The following HECTD4 variants were observed in gnomAD, a reference collection of about 807,000 sequenced individuals.
HECTD4 encodes the protein HECT domain E3 ubiquitin protein ligase 4, also known as probable E3 ubiquitin-protein ligase HECTD4.
In HECTD4, 114 loss-of-function variants were observed where a neutral mutation model predicts 471.5. The ratio of observed to expected loss-of-function variants is 0.24; its 90% CI spans 0.21 to 0.28. HECTD4 has a LOEUF of 0.28. Ranked by LOEUF, HECTD4 falls within the 10% of genes least tolerant of loss-of-function variation. HECTD4 has a pLI of 1.00. For synonymous variants in HECTD4, 2,012 were observed against 2,256.0 expected (o/e 0.89, Z 3.07); for missense variants, 3,866 against 5,651.5 (o/e 0.68, Z 10.13).
At chr12:112,275,217 G>A (rs989273421) in intron 9 of HECTD4, among the ~76,000 whole-genome samples, 1 of 152,128 alleles carries the variant, frequency 6.6e-6, no homozygotes, top group African/African-American at 2.4e-5. Context: ...TTTGCATGAC[G>A]GTTCTTTCCG....
At chr12:112,283,955 C>CT (rs746498265) in intron 7 of HECTD4, among the ~76,000 whole-genome samples, 2,257 of 135,484 alleles carry the variant, frequency 0.017, 45 homozygotes, top group African/African-American at 0.047. Context: ...CTTCTTTCTT[C>CT]TTTTTTTTTT....
At position 112,188,516 on chromosome 12, in the gene HECTD4, G is replaced by A. The variant is rs926813622; in HGVS notation, c.9472+2270C>T. Among the ~76,000 whole-genome samples, 2 of 152,196 alleles carry A rather than the reference G, an allele frequency of 1.3e-5. No individual in the cohort carries two copies. Among genetic ancestry groups the A allele is most frequent in the South Asian group, 2.1e-4 (1 of 4,832 alleles). ...GTGGAAAGAGAGAAAGCTCATGTAC[G>A]TGAGACACGATTAGGGATCATGAAC... On this transcript the variant is annotated intron_variant, in intron 60 of 75. Coordinates refer to ENST00000682272, the MANE Select transcript of HECTD4 (RefSeq NM_001388303.1). This position sits in a 1 kb window ranked among gnomAD's most constrained non-coding sequence, Gnocchi z 4.2.
chr12:112,259,000 T>C, intron 19 of HECTD4, 112 bp downstream of exon 19: 1 of 902,564 alleles, frequency 1.1e-6, no homozygotes, highest in East Asian at 2.7e-5. Flanking sequence ...TTATTTCCCT[T>C]GGTTTCTGAA....
chr12:112,374,317 C>A (rs986365843), intron 1 of HECTD4, among the ~76,000 whole-genome samples: 5 of 152,250 alleles, frequency 3.3e-5, no homozygotes, highest in South Asian at 2.1e-4. Context: ...GAGTGAGAAC[C>A]TGTCTCTAGA....
chr12:112,292,619 G>A (rs1412195677), intron 7 of HECTD4, among the ~76,000 whole-genome samples: 1 of 152,144 alleles, frequency 6.6e-6, no homozygotes, highest in Non-Finnish European at 1.5e-5. Flanking sequence ...TAAACTTGAG[G>A]CTACTGCATG....
chr12:112,243,610 T>C lies in HECTD4; in HGVS notation c.4791+10A>G, dbSNP rs749387917. ...TGCTATTCATCTGGAGCCCGCAAAA[T>C]GTGACGTACAGCTTGGTCAGGGTTG... On this transcript the variant is annotated intron_variant, in intron 31 of 75. Coordinates refer to ENST00000682272, the MANE Select transcript of HECTD4 (RefSeq NM_001388303.1). The surrounding 1 kb of genome is among the most constrained non-coding windows in gnomAD (Gnocchi z 6.6). 1.9e-6 allele frequency: 3 copies of C among 1,608,134 alleles called. No individual in the cohort carries two copies. Among genetic ancestry groups the C allele is most frequent in the East Asian group, 4.5e-5 (2 of 44,714 alleles).
chr12:112,164,348 G>T, intron 72 of HECTD4, 73 bp from the exon 73 acceptor site: 1 of 1,512,606 alleles, frequency 6.6e-7, no homozygotes. Flanking sequence ...AGGTGGCTGG[G>T]TAAACCCCAA....
At chr12:112,267,271 C>CTCTCGGAGGACCGA (rs2034301193) in intron 13 of HECTD4, 1 of 342,166 alleles carries the variant, frequency 2.9e-6, no homozygotes, top group South Asian at 4.5e-5. Context: ...CAAGGGTATA[C>CTCTCGGAGGACCGA]GAGTAGCTGC....
At chr12:112,219,663 G>A (rs1054849901) in intron 44 of HECTD4, 174 bp from the exon 45 acceptor site, 13 of 450,724 alleles carry the variant, frequency 2.9e-5, no homozygotes, top group Admixed American at 8.0e-5. Flanking sequence ...GCAGTGGCGC[G>A]GTCCTGGCTT....
intron 1 of HECTD4, among the ~76,000 whole-genome samples, chr12:112,345,008 C>A (rs759198096): frequency 6.6e-6 from 1 of 152,026 alleles, no homozygotes; most frequent in African/African-American, 2.4e-5. Flanking sequence ...TGTCCCAGCA[C>A]TTTGGGAGGC....
intron 1 of HECTD4, among the ~76,000 whole-genome samples, chr12:112,364,574 C>T (rs759011744): frequency 1.3e-5 from 2 of 151,904 alleles, no homozygotes; most frequent in Non-Finnish European, 2.9e-5. Context: ...TACAAAAACA[C>T]AAAAATTAGC....
chr12:112,258,393 A>G (rs2034071675), intron 20 of HECTD4, 103 bp downstream of exon 20: 4 of 776,062 alleles, frequency 5.2e-6, no homozygotes, highest in Non-Finnish European at 7.9e-6. Flanking sequence ...TTCTTTTCAC[A>G]GCTAGATAAT....
Position 112,229,827 on chromosome 12 carries a change from G to A in HECTD4, c.6390C>T (p.Ser2130=), listed in dbSNP as rs1171263958. The A allele has an allele frequency of 1.2e-6, 2 of 1,614,016 alleles. No individual in the cohort carries two copies. The highest frequency in any genetic ancestry group is 1.6e-4 in the Middle Eastern group (1 of 6,062). Residue 2130 remains serine, a synonymous_variant, in exon 41 of 76, where the codon AGC becomes AGT. Transcript: ENST00000682272. ...CACTGCTGCTGCCATTTTCCAGAAT[G>A]CTTTCTGCGTATTTCCCCAATTGTG... ...YIPQLGKYAE[S]ILENGSSSGR... is the part of the protein sequence containing the mutation.
Position 112,185,373 on chromosome 12 carries a change from G to C in HECTD4, c.9593C>G (p.Ser3198Cys). 1 of 1,610,504 alleles carries C rather than the reference G, an allele frequency of 6.2e-7. No homozygotes were observed. Among genetic ancestry groups the C allele is most frequent in the Non-Finnish European group, 8.5e-7 (1 of 1,178,656 alleles). ...LEQRRHPAGLSSSIALQLNPC... is the reference protein window; with the variant it reads ...LEQRRHPAGLCSSIALQLNPC... The stretch of plus-strand genomic sequence containing the variant: ...GTTCAGCTGGAGGGCGATTGAGGAG[G>C]ACAGGCCAGCGGGGTGCCGCCTCTG... The change falls in exon 61 of 76, where the codon TCC becomes TGC. Residue 3198 changes from serine (S) to cysteine (C), a missense_variant. Around this residue, in one of 16 missense-constraint regions of HECTD4, gnomAD observed 364 missense variants for 413.2 expected, o/e 0.88. Coordinates refer to ENST00000682272, the MANE Select transcript of HECTD4 (RefSeq NM_001388303.1).
Position 112,235,331 on chromosome 12 carries a change from T to C in HECTD4, c.5726-65A>G. The C allele has an allele frequency of 1.3e-6, 2 of 1,536,558 alleles. No homozygotes were observed. The highest frequency in any genetic ancestry group is 1.7e-4 in the Middle Eastern group (1 of 5,734). On this transcript the variant is annotated intron_variant, in intron 36 of 75. Transcript: ENST00000682272. The surrounding 1 kb of genome is among the most constrained non-coding windows in gnomAD (Gnocchi z 5.0). ...TGTTGTTTTGGCGGCTCTGCTAAAA[T>C]GAAAAATAATGGTTTGGGATTTGGA...
chr12:112,335,889 T>C (rs997197665), intron 1 of HECTD4, among the ~76,000 whole-genome samples: 2 of 152,108 alleles, frequency 1.3e-5, no homozygotes, highest in Non-Finnish European at 2.9e-5. Context: ...TGTTTTGCAA[T>C]CTCTACCGAT....
chr12:112,262,935 A>AT (rs1047377180), intron 17 of HECTD4, among the ~76,000 whole-genome samples: 6 of 152,030 alleles, frequency 3.9e-5, no homozygotes, highest in African/African-American at 9.6e-5. Flanking sequence ...TATTATTGAG[A>AT]TTTTTTTTAA....
intron 1 of HECTD4, among the ~76,000 whole-genome samples, chr12:112,367,099 C>T (rs544615931): frequency 4.0e-5 from 6 of 148,742 alleles, no homozygotes; most frequent in African/African-American, 1.5e-4. Flanking sequence ...GTCAGGAGTA[C>T]GAGACCCGTC....
intron 7 of HECTD4, among the ~76,000 whole-genome samples, chr12:112,284,536 C>A (rs1002793717): frequency 1.3e-5 from 2 of 152,142 alleles, no homozygotes; most frequent in African/African-American, 4.8e-5. Flanking sequence ...GGTGGGTGTA[C>A]GTAGTGGGGG....
Sources: allele counts gnomAD v4.1 joint callset (sites outside exome capture counted in the v4.1 genomes callset), GRCh38; gene constraint gnomAD v4.1.1; regional missense constraint gnomAD v4.1.1; non-coding constraint Gnocchi (gnomAD v3.1); transcripts MANE v1.5; gene names NCBI Gene and HGNC (gene_info 2026-07-23, HGNC 2026-07-21).